MAP3K20: variants seen among roughly 807,000 people sequenced by gnomAD.
The protein encoded by MAP3K20 is mitogen-activated protein kinase kinase kinase 20, also known as HCCS-4.
In MAP3K20, 40 loss-of-function variants were observed where a neutral mutation model predicts 85.7. The ratio of observed to expected loss-of-function variants is 0.47; its 90% CI spans 0.36 to 0.61. The LOEUF (loss-of-function observed/expected upper bound fraction) is 0.61, where lower values mean the gene tolerates loss of function less well. MAP3K20 is among the 20% of genes least tolerant of loss of function. The probability of loss-of-function intolerance (pLI) is 0.00; values close to 1 mark genes in which losing one functional copy is unlikely to be tolerated. For missense variants in MAP3K20, 817 were observed against 961.7 expected (o/e 0.85, Z 1.99); for synonymous variants, 325 against 327.7 (o/e 0.99, Z 0.09).
chr2:173,224,959 T>C, intron 11 of MAP3K20: 4 of 944,452 alleles, frequency 4.2e-6, no homozygotes, highest in Non-Finnish European at 4.9e-6. Context: ...CTACTTGATT[T>C]ACAAAAATGT....
chr2:173,150,080 A>C (rs1348774267), intron 2 of MAP3K20, among the ~76,000 whole-genome samples: 1 of 152,234 alleles, frequency 6.6e-6, no homozygotes, highest in South Asian at 2.1e-4. Flanking sequence ...CAGAAAATAG[A>C]AACACAAGAA....
chr2:173,155,435 C>T (rs900360314), intron 2 of MAP3K20, among the ~76,000 whole-genome samples: 1 of 152,242 alleles, frequency 6.6e-6, no homozygotes, highest in Non-Finnish European at 1.5e-5. Flanking sequence ...TTGTTCACCA[C>T]TGTCCTTAGC....
intron 8 of MAP3K20, among the ~76,000 whole-genome samples, chr2:173,200,484 TAAAG>T (rs1174162075): frequency 1.3e-5 from 2 of 152,222 alleles, no homozygotes; most frequent in Admixed American, 6.5e-5. Context: ...CTCATTTAAA[TAAAG>T]AAAGACATGT....
chr2:173,134,120 A>C (rs1452539380), intron 2 of MAP3K20, among the ~76,000 whole-genome samples: 2 of 151,268 alleles, frequency 1.3e-5, no homozygotes, highest in African/African-American at 2.4e-5. Context: ...ATCATCTGGT[A>C]ATCTGCATAT....
In MAP3K20 at chr2:173,217,125, G is replaced by A. The variant is rs757432139; in HGVS notation, c.862G>A (p.Glu288Lys). ...GCTATCCCCGTGCAGGTGCGAAATT[G>A]AGGCAACTCTTGAGAGGCTAAAGAA... ...HNKAEWRCEIEATLERLKKLE... is the reference protein window; with the variant it reads ...HNKAEWRCEIKATLERLKKLE... The change falls in exon 11 of 20, where the codon GAG becomes AAG. Residue 288 changes from glutamate (E) to lysine (K), a missense_variant. By Grantham distance (56) the Glu-to-Lys change is moderately conservative. This residue lies in a region of MAP3K20 where 158 missense variants were observed against 162.0 expected (regional missense o/e 0.98). Coordinates refer to ENST00000375213, the MANE Select transcript of MAP3K20 (RefSeq NM_016653.3). The A allele has an allele frequency of 3.8e-6, 6 of 1,565,280 alleles. No homozygotes were observed. The Admixed American group carries it at 7.4e-5, about 19-fold the overall frequency.
chr2:173,148,358 A>T (rs1222026220), intron 2 of MAP3K20, among the ~76,000 whole-genome samples: 1 of 152,192 alleles, frequency 6.6e-6, no homozygotes, highest in Non-Finnish European at 1.5e-5. Flanking sequence ...GTAAAATTTT[A>T]TGCTATGAGA....
intron 2 of MAP3K20, among the ~76,000 whole-genome samples, chr2:173,155,794 C>T (rs1213849460): frequency 6.6e-6 from 1 of 152,166 alleles, no homozygotes; most frequent in African/African-American, 2.4e-5. Flanking sequence ...ACCCTAGCGA[C>T]TCTTCCATTA....
intron 2 of MAP3K20, among the ~76,000 whole-genome samples, chr2:173,117,643 G>T (rs949180957): frequency 6.6e-6 from 1 of 151,988 alleles, no homozygotes; most frequent in African/African-American, 2.4e-5. Flanking sequence ...GAATCAATTA[G>T]TAATTTTCAT....
intron 2 of MAP3K20, among the ~76,000 whole-genome samples, chr2:173,121,263 T>A (rs527772566): frequency 5.3e-5 from 8 of 152,352 alleles, no homozygotes; most frequent in African/African-American, 1.9e-4. Context: ...CATTGCTTCA[T>A]TCCCTTGCTG....
In MAP3K20 at chr2:173,218,306, C is replaced by CA. The variant is rs375852316; in HGVS notation, c.987+1062dup. 3.3e-3 allele frequency among the ~76,000 whole-genome samples: 495 copies of CA among 151,998 alleles called. 1 individual carries two copies. Among genetic ancestry groups the CA allele is most frequent in the African/African-American group, 0.011 (441 of 41,446 alleles). ...TTGTGTGGAGAAGCAACCTGATATCCAAAAAAGGAAAATACCATGAAGCTA... is the reference window on the plus strand; with the variant it reads ...TTGTGTGGAGAAGCAACCTGATATCCAAAAAAAGGAAAATACCATGAAGCTA... On this transcript the variant is annotated intron_variant, in intron 11 of 19. Transcript: ENST00000375213.
intron 17 of MAP3K20, 47 bp downstream of exon 17, chr2:173,258,862 T>C (rs1685223058): frequency 3.3e-6 from 4 of 1,225,826 alleles, no homozygotes; most frequent in Non-Finnish European, 4.8e-6. Flanking sequence ...TTCACAGATA[T>C]CAAACAAAGA....
intron 2 of MAP3K20, among the ~76,000 whole-genome samples, chr2:173,139,578 C>T (rs1377420550): frequency 2.0e-5 from 3 of 152,160 alleles, no homozygotes; most frequent in African/African-American, 7.2e-5. Context: ...TATTAGGTGC[C>T]TACTTTCCCC....
At chr2:173,163,913 T>TGC (rs1221215309) in intron 2 of MAP3K20, among the ~76,000 whole-genome samples, 1 of 152,172 alleles carries the variant, frequency 6.6e-6, no homozygotes, top group Non-Finnish European at 1.5e-5. Context: ...CAGCAGTGTA[T>TGC]GAGCATTCCC....
At chr2:173,148,066 A>G (rs1460194866) in intron 2 of MAP3K20, among the ~76,000 whole-genome samples, 1 of 152,166 alleles carries the variant, frequency 6.6e-6, no homozygotes, top group Non-Finnish European at 1.5e-5. Flanking sequence ...AGACTCAAAA[A>G]TAAATTTTCT....
chr2:173,125,723 C>T (rs1339029959), intron 2 of MAP3K20, among the ~76,000 whole-genome samples: 2 of 151,866 alleles, frequency 1.3e-5, no homozygotes, highest in Non-Finnish European at 2.9e-5. Flanking sequence ...AGTGCAGTGG[C>T]GCGATCTCAG....
At chr2:173,155,254 A>C (rs188855224) in intron 2 of MAP3K20, among the ~76,000 whole-genome samples, 1 of 152,264 alleles carries the variant, frequency 6.6e-6, no homozygotes, top group Non-Finnish European at 1.5e-5. Flanking sequence ...CTAATGTGAG[A>C]GTATTCATAG....
intron 1 of MAP3K20, 119 bp downstream of exon 1, chr2:173,076,121 G>A: frequency 1.4e-6 from 1 of 739,278 alleles, no homozygotes; most frequent in Non-Finnish European, 1.7e-6. Flanking sequence ...AGTCTAGGCG[G>A]CCTCGGGAGG....
At chr2:173,110,635 A>C (rs1687944163) in intron 2 of MAP3K20, among the ~76,000 whole-genome samples, 1 of 151,926 alleles carries the variant, frequency 6.6e-6, no homozygotes, top group Non-Finnish European at 1.5e-5. Context: ...TTGCGTCCTC[A>C]TAGCTTAGCT....
At chr2:173,101,073 A>G (rs1461139461) in intron 2 of MAP3K20, among the ~76,000 whole-genome samples, 1 of 152,212 alleles carries the variant, frequency 6.6e-6, no homozygotes, top group African/African-American at 2.4e-5. Flanking sequence ...AGATAACTCA[A>G]ACCTTAGGAG....
Sources: allele counts gnomAD v4.1 joint callset (sites outside exome capture counted in the v4.1 genomes callset), GRCh38; gene constraint gnomAD v4.1.1; regional missense constraint gnomAD v4.1.1; transcripts MANE v1.5; gene names NCBI Gene and HGNC (gene_info 2026-07-23, HGNC 2026-07-21).